Variants in SCAP observed in about 807,000 individuals in gnomAD.
SCAP encodes sterol regulatory element-binding protein cleavage-activating protein.
A neutral mutation model predicts 123.6 loss-of-function variants in SCAP; 65 were observed. That is an observed-to-expected ratio of 0.53 (90% CI 0.43 to 0.65). The LOEUF (loss-of-function observed/expected upper bound fraction) is 0.65, where lower values mean the gene tolerates loss of function less well. Among genes scored for constraint, SCAP ranks in the 30% least tolerant of loss-of-function variants. The pLI, the probability that SCAP is intolerant of heterozygous loss-of-function variation, is 0.00. For missense variants in SCAP, 1,398 were observed against 1,712.5 expected, an observed-to-expected ratio of 0.82 and a Z score of 3.24; for synonymous variants, 740 against 726.3, an observed-to-expected ratio of 1.02 and a Z score of -0.30.
intron 1 of SCAP, among the ~76,000 whole-genome samples, chr3:47,466,894 G>A (rs1241102303): frequency 6.6e-6 from 1 of 151,878 alleles, no homozygotes; most frequent in Non-Finnish European, 1.5e-5. Flanking sequence ...GACCAGCCTG[G>A]ACAACATGGC....
intron 3 of SCAP, among the ~76,000 whole-genome samples, chr3:47,429,892 C>A (rs143968318): frequency 6.6e-6 from 1 of 152,328 alleles, no homozygotes; most frequent in East Asian, 1.9e-4. Context: ...AAGCATGTAA[C>A]CTGTCTTACT....
intron 9 of SCAP, among the ~76,000 whole-genome samples, chr3:47,423,715 C>T (rs1273613932): frequency 6.6e-6 from 1 of 152,228 alleles, no homozygotes; most frequent in Non-Finnish European, 1.5e-5. Context: ...CTTACTGACA[C>T]ATGAACCAGG....
chr3:47,461,800 G>A (rs1471905606), intron 1 of SCAP, among the ~76,000 whole-genome samples: 11 of 152,164 alleles, frequency 7.2e-5, no homozygotes, highest in Non-Finnish European at 1.2e-4. Context: ...CTCGGAGGCC[G>A]AGGCAAACAG....
Position 47,439,397 on chromosome 3 carries a change from A to G in SCAP, c.122+3475T>C, listed in dbSNP as rs567518732. ...GCACTCCAGCCTGGGCGACAGAGTG[A>G]GACCCCGTCTCAAAATCAAAAACAA... is the stretch of plus-strand genomic sequence containing the variant. On this transcript the variant is annotated intron_variant, in intron 2 of 22. Coordinates refer to ENST00000265565, the MANE Select transcript of SCAP (RefSeq NM_012235.4). This position sits in a 1 kb window ranked among gnomAD's most constrained non-coding sequence, Gnocchi z 4.0. Among the ~76,000 whole-genome samples, 4 of 152,346 alleles carry G rather than the reference A, an allele frequency of 2.6e-5. No homozygotes were observed. In the South Asian group the frequency reaches 8.3e-4, roughly 32 times the overall value.
chr3:47,415,479 T>C (rs1462212799), intron 18 of SCAP, among the ~76,000 whole-genome samples: 1 of 152,078 alleles, frequency 6.6e-6, no homozygotes, highest in Non-Finnish European at 1.5e-5. Context: ...CACGTAAGTT[T>C]GTAAATTAAA....
rs1275951483 is a variant in SCAP at position 47,443,755 on chromosome 3, G to A, written c.-98-664C>T. Among the ~76,000 whole-genome samples the A allele has an allele frequency of 1.3e-5, 2 of 152,106 alleles. 1 individual carries two copies. Among genetic ancestry groups the A allele is most frequent in the South Asian group, 4.2e-4 (2 of 4,818 alleles). On this transcript the variant is annotated intron_variant, in intron 1 of 22. Transcript: ENST00000265565. ...TCCTGTTCCTGCCTGCCCAGTACCC[G>A]TCCCCTTCCATAAGTTAACAGCAGC...
intron 3 of SCAP, 171 bp from the exon 4 acceptor site, chr3:47,428,841 A>G: frequency 1.5e-6 from 1 of 662,388 alleles, no homozygotes; most frequent in Non-Finnish European, 2.4e-6. Flanking sequence ...AAAAGAAACA[A>G]TTTGCTGAAA....
chr3:47,452,646 G>A (rs1028684660), intron 1 of SCAP, among the ~76,000 whole-genome samples: 2 of 152,114 alleles, frequency 1.3e-5, no homozygotes, highest in Admixed American at 6.6e-5. Context: ...AAAATCTGGC[G>A]GTGAGGCCCA....
chr3:47,424,761 A>C (rs1318320037), intron 8 of SCAP, among the ~76,000 whole-genome samples: 3 of 152,236 alleles, frequency 2.0e-5, no homozygotes, highest in African/African-American at 7.2e-5. Flanking sequence ...CGAAACTACC[A>C]GAAACAAAAT....
At position 47,418,758 on chromosome 3, in the gene SCAP, G is replaced by A. The variant is rs767799241; in HGVS notation, c.2026C>T (p.Arg676Cys). ...ALEGRHPQDGRSAWPPPGPIP... is the reference protein window; with the variant it reads ...ALEGRHPQDGCSAWPPPGPIP... ...GGCCCCGGTGGGGGCCAGGCACTGC[G>A]GCCGTCCTGAGGGTGCCGGCCCTCC... is the stretch of plus-strand genomic sequence containing the variant. Residue 676 changes from arginine (R) to cysteine (C), a missense_variant, in exon 14 of 23, where the codon CGC (arginine) becomes TGC (cysteine). By Grantham distance (180) the Arg-to-Cys change is radical. This residue lies in a region of SCAP where 828 missense variants were observed against 882.5 expected (regional missense o/e 0.94). Coordinates refer to ENST00000265565, the MANE Select transcript of SCAP (RefSeq NM_012235.4). 15 of 1,588,656 alleles carry A rather than the reference G, an allele frequency of 9.4e-6. No individual in the cohort carries two copies. The highest frequency in any genetic ancestry group is 1.2e-5 in the Non-Finnish European group (14 of 1,170,474).
At chr3:47,418,626 T>TCCC in intron 14 of SCAP, 29 bp downstream of exon 14, 2 of 1,459,576 alleles carry the variant, frequency 1.4e-6, no homozygotes, top group Non-Finnish European at 1.9e-6. Context: ...CCGCACTCTT[T>TCCC]CCCACCCCAC....
chr3:47,427,994 AG>A (rs1194353469), intron 4 of SCAP, among the ~76,000 whole-genome samples: 18 of 152,190 alleles, frequency 1.2e-4, no homozygotes, highest in Non-Finnish European at 2.1e-4. Flanking sequence ...GGGGTAAATT[AG>A]GGGCTTCATT....
rs1401036368 is a variant in SCAP at position 47,423,994 on chromosome 3, C to T, written c.1089G>A (p.Val363=). Residue 363 remains valine, a synonymous_variant, in exon 9 of 23, where the codon GTG becomes GTA. Transcript: ENST00000265565. ...GGGTTGAGACCACAGACTTGGTGAGCACCAACACATTCTCTAACCCAATAA... is the reference window on the plus strand; with the variant it reads ...GGGTTGAGACCACAGACTTGGTGAGTACCAACACATTCTCTAACCCAATAA... The part of the protein sequence containing the change: ...VVVIGLENVL[V]LTKSVVSTPV... The T allele has an allele frequency of 1.2e-6, 2 of 1,614,104 alleles. No individual in the cohort carries two copies. Among genetic ancestry groups the T allele is most frequent in the East Asian group, 2.2e-5 (1 of 44,902 alleles).
chr3:47,458,707 C>A (rs1382341147), intron 1 of SCAP, among the ~76,000 whole-genome samples: 2 of 152,238 alleles, frequency 1.3e-5, no homozygotes, highest in African/African-American at 4.8e-5. Context: ...AGATTTTCTT[C>A]CACAATGCCA....
chr3:47,443,198 C>A, intron 1 of SCAP, 107 bp from the exon 2 acceptor site: 2 of 666,568 alleles, frequency 3.0e-6, no homozygotes, highest in Non-Finnish European at 4.6e-6. Flanking sequence ...TTTCAGAATG[C>A]CTATATGCAA....
chr3:47,470,589 G>C (rs1049965701), intron 1 of SCAP, among the ~76,000 whole-genome samples: 1 of 152,236 alleles, frequency 6.6e-6, no homozygotes, highest in Non-Finnish European at 1.5e-5. Context: ...TTTGCGGGGC[G>C]CAGTGGCTCA....
intron 1 of SCAP, among the ~76,000 whole-genome samples, chr3:47,471,679 G>A (rs1007521767): frequency 6.6e-6 from 1 of 151,844 alleles, no homozygotes; most frequent in Non-Finnish European, 1.5e-5. Context: ...CCAACACCTT[G>A]TATATTTTAT....
Position 47,475,840 on chromosome 3 carries a change from CGGCGACGGG to C in SCAP, c.-149_-141del, listed in dbSNP as rs1203411147. 3 of 161,008 alleles carry C rather than the reference CGGCGACGGG, an allele frequency of 1.9e-5. No homozygotes were observed. Among genetic ancestry groups the C allele is most frequent in the Admixed American group, 6.5e-5 (1 of 15,332 alleles). The allele number at this position is 161,008 out of a possible 1,614,324, so 10.0% of individuals were successfully genotyped here. On this transcript the variant is annotated 5_prime_UTR_variant, in exon 1 of 23. Transcript: ENST00000265565. ...TCCCAAGCTGCGGCGGCGGCGGCGG[CGGCGACGGG>C]GGCGGCAGCAGGGGCGGAGCGCGGC... is the stretch of plus-strand genomic sequence containing the variant.
intron 1 of SCAP, among the ~76,000 whole-genome samples, chr3:47,461,499 T>C (rs1262267749): frequency 1.3e-5 from 2 of 152,130 alleles, no homozygotes; most frequent in Non-Finnish European, 2.9e-5. Flanking sequence ...CAGACATTTA[T>C]AGAGACAAAG....
Sources: allele counts gnomAD v4.1 joint callset (sites outside exome capture counted in the v4.1 genomes callset), GRCh38; gene constraint gnomAD v4.1.1; regional missense constraint gnomAD v4.1.1; non-coding constraint Gnocchi (gnomAD v3.1); transcripts MANE v1.5; gene names NCBI Gene and HGNC (gene_info 2026-07-23, HGNC 2026-07-21).